Variants in CASK observed in about 807,000 individuals in gnomAD.
CASK encodes peripheral plasma membrane protein CASK.
Under a neutral mutation model 82.9 loss-of-function variants are expected in CASK, and 4 were observed. The observed-to-expected ratio is 0.05, with a 90% CI of 0.02 to 0.11. The LOEUF (loss-of-function observed/expected upper bound fraction) is 0.11, where lower values mean the gene tolerates loss of function less well. Among genes scored for constraint, CASK ranks in the 10% least tolerant of loss-of-function variants. The pLI, the probability that CASK is intolerant of heterozygous loss-of-function variation, is 1.00. For synonymous variants in CASK, 259 were observed against 253.5 expected (o/e 1.02, Z -0.20); for missense variants, 358 against 720.9 (o/e 0.50, Z 5.76).
intron 5 of CASK, among the ~76,000 whole-genome samples, chrX:41,738,027 T>G (rs1365010804): frequency 8.8e-6 from 1 of 113,196 alleles, no homozygotes; most frequent in Non-Finnish European, 1.9e-5. Context: ...CAGGCTGGAG[T>G]GCAGTGGCAC....
At chrX:41,915,944 C>T (rs1286363467) in intron 1 of CASK, among the ~76,000 whole-genome samples, 2 of 111,280 alleles carry the variant, frequency 1.8e-5, no homozygotes, top group Non-Finnish European at 3.8e-5. Flanking sequence ...GCCGAGATCG[C>T]GCCATTGCAC....
chrX:41,703,320 G>A (rs2067833771), intron 5 of CASK, among the ~76,000 whole-genome samples: 2 of 111,994 alleles, frequency 1.8e-5, no homozygotes, highest in Admixed American at 9.5e-5. Flanking sequence ...ATATATTAAA[G>A]CTCACTTCAC....
rs753322030 is a variant in CASK, at chrX:41,517,082, G to GT, written c.*3337dup. On this transcript the variant is annotated 3_prime_UTR_variant, in exon 27 of 27. Coordinates refer to ENST00000378163, the MANE Select transcript of CASK (RefSeq NM_001367721.1). ...CGATCAGATCAAAGGCTGTAAAAAG[G>GT]TAACAGTAGCTGCAGCCCAGGCCTG... is the stretch of plus-strand genomic sequence containing the variant. 6 of 112,809 alleles carry GT rather than the reference G, an allele frequency of 5.3e-5. No individual in the cohort carries two copies. Among genetic ancestry groups the GT allele is most frequent in the Non-Finnish European group, 1.1e-4 (6 of 53,447 alleles). The allele number at this position is 112,809 out of a possible 1,213,427, so 9.3% of individuals were successfully genotyped here. A position where few individuals can be genotyped will look rare whatever the true frequency, so the allele number is the denominator to read the frequency against.
chrX:41,769,738 G>A (rs1240292120), intron 3 of CASK, among the ~76,000 whole-genome samples: 1 of 110,966 alleles, frequency 9.0e-6, no homozygotes, highest in Non-Finnish European at 1.9e-5. Flanking sequence ...GAGCCCAGGA[G>A]TTCAAGACCA....
At chrX:41,710,959 G>A (rs374420621) in intron 5 of CASK, among the ~76,000 whole-genome samples, 2 of 111,994 alleles carry the variant, frequency 1.8e-5, no homozygotes, top group South Asian at 3.7e-4. Flanking sequence ...GGAAAGCTCC[G>A]TGCCCCAGGA....
In CASK at chrX:41,727,021, AC is replaced by A. The variant is rs2068272537; in HGVS notation, c.429+12362del. Reference sequence around the variant, plus strand: ...CTGTGACAAAATTCAAGAAAACCTGACATAAATGAACAACAATACAACATGT... The same window carrying A: ...CTGTGACAAAATTCAAGAAAACCTGAATAAATGAACAACAATACAACATGT... On this transcript the variant is annotated intron_variant, in intron 5 of 26. Transcript: ENST00000378163. 8 of 1,070,955 alleles carry A rather than the reference AC, an allele frequency of 7.5e-6. No individual in the cohort carries two copies. In the African/African-American group the frequency reaches 9.2e-5, roughly 12 times the overall value. 88.3% of individuals were successfully genotyped at this position (1,070,955 alleles called of 1,213,427 possible).
At chrX:41,797,681 G>C (rs1366165975) in intron 2 of CASK, among the ~76,000 whole-genome samples, 2 of 111,834 alleles carry the variant, frequency 1.8e-5, no homozygotes, top group Admixed American at 9.5e-5. Context: ...ATTTTACTCA[G>C]AAGGAAAATG....
intron 3 of CASK, among the ~76,000 whole-genome samples, chrX:41,762,512 A>G (rs1477212412): frequency 9.0e-6 from 1 of 111,218 alleles, no homozygotes; most frequent in Non-Finnish European, 1.9e-5. Flanking sequence ...AAAATTAGCA[A>G]TTTTCTTCTC....
chrX:41,778,246 T>TC (rs1321570683), intron 3 of CASK, among the ~76,000 whole-genome samples: 18 of 110,801 alleles, frequency 1.6e-4, no homozygotes, highest in African/African-American at 5.9e-4. Context: ...TTTTTTTTTT[T>TC]CAAGACTGAG....
In CASK at chrX:41,917,640, G is replaced by A. The variant is rs759968633; in HGVS notation, c.59+5290C>T. Among the ~76,000 whole-genome samples the A allele has an allele frequency of 1.8e-4, 20 of 111,923 alleles. No homozygotes were observed. In the South Asian group the frequency reaches 7.4e-3, roughly 42 times the overall value. On this transcript the variant is annotated intron_variant, in intron 1 of 26. Transcript: ENST00000378163. ...GAAAAAATGGAGAGAGCTGAACTGC[G>A]TATGTCAAGTACATAGAAGCGTGTT...
chrX:41,875,757 A>G (rs1359127682), intron 1 of CASK, among the ~76,000 whole-genome samples: 1 of 111,779 alleles, frequency 8.9e-6, no homozygotes, highest in Non-Finnish European at 1.9e-5. Flanking sequence ...GGAAACCATG[A>G]TTAATACAAT....
intron 3 of CASK, among the ~76,000 whole-genome samples, chrX:41,770,175 T>C (rs2069197169): frequency 9.2e-6 from 1 of 109,008 alleles, no homozygotes; most frequent in African/African-American, 3.4e-5. Context: ...AAGCTTACTA[T>C]GCCCTAGAAC....
At chrX:41,867,455 A>C (rs1221926215) in intron 1 of CASK, among the ~76,000 whole-genome samples, 5 of 112,606 alleles carry the variant, frequency 4.4e-5, no homozygotes, top group Non-Finnish European at 9.4e-5. Flanking sequence ...TCTAATACAA[A>C]TAAAAATGTT....
intron 10 of CASK, among the ~76,000 whole-genome samples, chrX:41,625,224 C>T (rs1259140227): frequency 2.2e-5 from 2 of 89,319 alleles, no homozygotes; most frequent in African/African-American, 4.3e-5. Flanking sequence ...CTCACTCTGT[C>T]GCCCAGGCTG....
At chrX:41,695,910 C>T in intron 5 of CASK, 1 of 1,208,975 alleles carries the variant, frequency 8.3e-7, no homozygotes, top group Middle Eastern at 2.3e-4. Context: ...TCAAATTTAT[C>T]TACTTAACGT....
At chrX:41,731,749 G>A (rs773730218) in intron 5 of CASK, among the ~76,000 whole-genome samples, 1 of 110,523 alleles carries the variant, frequency 9.0e-6, no homozygotes, top group South Asian at 3.9e-4. Flanking sequence ...TAATGGCATA[G>A]TAAATATTTT....
chrX:41,866,816 T>C (rs972031928), intron 1 of CASK, among the ~76,000 whole-genome samples: 4 of 111,690 alleles, frequency 3.6e-5, no homozygotes, highest in Non-Finnish European at 5.6e-5. Context: ...TAGTCTTCCA[T>C]GATTCCTCAC....
At chrX:41,735,501 G>A (rs1008869387) in intron 5 of CASK, among the ~76,000 whole-genome samples, 1 of 110,789 alleles carries the variant, frequency 9.0e-6, no homozygotes, top group East Asian at 2.8e-4. Context: ...TTTTGCCTAC[G>A]TTACCAAAGA....
chrX:41,913,362 A>T (rs1601970705), intron 1 of CASK, among the ~76,000 whole-genome samples: 1 of 112,167 alleles, frequency 8.9e-6, no homozygotes, highest in African/African-American at 3.2e-5. Context: ...AATAAAATTT[A>T]AAAAATAATA....
Sources: gnomAD v4.1 joint callset for allele counts (sites outside exome capture counted in the v4.1 genomes callset) on GRCh38, gnomAD v4.1.1 for gene constraint, MANE v1.5 for transcripts, NCBI Gene and HGNC (gene_info 2026-07-23, HGNC 2026-07-21) for gene names.